The following OPRD1 variants were observed in gnomAD, a reference collection of about 807,000 sequenced individuals.
OPRD1 encodes the protein opioid receptor delta 1.
Under a neutral mutation model 17.5 loss-of-function variants are expected in OPRD1, and 19 were observed. The observed-to-expected ratio is 1.09, with a 90% CI of 0.76 to 1.60. OPRD1 has a LOEUF of 1.60. Among genes scored for constraint, OPRD1 ranks in the 40% most tolerant of loss-of-function variants. The pLI is 0.00. For missense variants in OPRD1, 483 were observed against 547.2 expected (o/e 0.88, Z 1.17); for synonymous variants, 256 against 240.9 (o/e 1.06, Z -0.58).
intron 1 of OPRD1, among the ~76,000 whole-genome samples, chr1:28,857,201 T>G (rs1459650695): frequency 1.3e-5 from 2 of 152,188 alleles, no homozygotes; most frequent in East Asian, 3.9e-4. Context: ...TCTCCATGCA[T>G]CAGGCTTGGA....
At position 28,863,076 on chromosome 1, in the gene OPRD1, C is replaced by T. The variant is rs267598540; in HGVS notation, c.912C>T (p.Ile304=). 6.2e-7 allele frequency: 1 copy of T among 1,606,824 alleles called. No individual in the cohort carries two copies. Among genetic ancestry groups the T allele is most frequent in the Non-Finnish European group, 8.5e-7 (1 of 1,176,696 alleles). ...TGGTGGCTGCGCTGCACCTGTGCAT[C>T]GCGCTGGGCTACGCCAATAGCAGCC... is the stretch of plus-strand genomic sequence containing the variant. The part of the protein sequence containing the change: ...PLVVAALHLC[I]ALGYANSSLN... The change falls in exon 3 of 3, where the codon ATC becomes ATT. Residue 304 remains isoleucine, a synonymous_variant. Coordinates refer to ENST00000234961, the MANE Select transcript of OPRD1 (RefSeq NM_000911.4).
At chr1:28,845,979 T>C (rs1053029310) in intron 1 of OPRD1, among the ~76,000 whole-genome samples, 7 of 152,200 alleles carry the variant, frequency 4.6e-5, no homozygotes, top group Non-Finnish European at 5.9e-5. Context: ...GTTTAAAGTC[T>C]TCAATGGCTT....
intron 1 of OPRD1, among the ~76,000 whole-genome samples, chr1:28,841,867 C>T (rs1041183917): frequency 2.7e-5 from 4 of 150,752 alleles, no homozygotes; most frequent in Non-Finnish European, 5.9e-5. Context: ...GCATGCACCA[C>T]CACACCTGGC....
intron 1 of OPRD1, among the ~76,000 whole-genome samples, chr1:28,827,392 C>T (rs147677022): frequency 2.0e-5 from 3 of 152,042 alleles, no homozygotes; most frequent in Admixed American, 6.5e-5. Context: ...CTCACAGGCA[C>T]GATCATAGCT....
chr1:28,834,394 T>C (rs2088832997), intron 1 of OPRD1, among the ~76,000 whole-genome samples: 1 of 150,480 alleles, frequency 6.6e-6, no homozygotes, highest in Non-Finnish European at 1.5e-5. Context: ...TTTTTTTTTT[T>C]TTTTGAGATA....
In OPRD1 at chr1:28,870,228, GCTT is replaced by G. The variant is rs1044443202; in HGVS notation, c.*6949_*6951del. 1 of 149,410 alleles carries G rather than the reference GCTT, an allele frequency of 6.7e-6. No homozygotes were observed. Among genetic ancestry groups the G allele is most frequent in the Non-Finnish European group, 1.5e-5 (1 of 67,240 alleles). The allele number at this position is 149,410 out of a possible 1,614,324, so 9.3% of individuals were successfully genotyped here. On this transcript the variant is annotated 3_prime_UTR_variant, in exon 3 of 3. Transcript: ENST00000234961. Reference sequence around the variant, plus strand: ...TTAGGCCATGCCTGCACCAACCCATGCTTCTTTTTTTTTTTCTTTCTTTCTTTC... The same window carrying G: ...TTAGGCCATGCCTGCACCAACCCATGCTTTTTTTTTTTCTTTCTTTCTTTC...
chr1:28,836,751 G>T (rs1020690565), intron 1 of OPRD1, among the ~76,000 whole-genome samples: 5 of 152,088 alleles, frequency 3.3e-5, no homozygotes, highest in African/African-American at 1.2e-4. Context: ...TCTCTCTGTT[G>T]TCCAGGCTGG....
At chr1:28,854,647 T>C (rs2147747924) in intron 1 of OPRD1, among the ~76,000 whole-genome samples, 1 of 151,542 alleles carries the variant, frequency 6.6e-6, no homozygotes, top group East Asian at 1.9e-4. Context: ...AGATGTCTCT[T>C]GTGAGCCTGC....
chr1:28,826,570 GT>G (rs2088770419), intron 1 of OPRD1, among the ~76,000 whole-genome samples: 1 of 152,160 alleles, frequency 6.6e-6, no homozygotes, highest in African/African-American at 2.4e-5. Context: ...GTGTGTCATA[GT>G]ATTATGTCTA....
At position 28,855,417 on chromosome 1, in the gene OPRD1, C is replaced by T. The variant is rs145217539; in HGVS notation, c.228-3537C>T. Among the ~76,000 whole-genome samples the T allele has an allele frequency of 3.3e-3, 497 of 152,092 alleles. 2 individuals are homozygous for T. Among genetic ancestry groups the T allele is most frequent in the African/African-American group, 0.011 (463 of 41,488 alleles). ...TGGGAACTGAGATCCCAAAGGTAGT[C>T]GGGGCAGCTTGCAGAACAGAGAGAA... On this transcript the variant is annotated intron_variant, in intron 1 of 2. Transcript: ENST00000234961.
chr1:28,862,380 A>G lies in OPRD1; in HGVS notation c.578-362A>G, dbSNP rs114999984. ...GTCTGTCTTAGCAGTCCTGTCCCCA[A>G]TGGAGCTAGTTTGGAAATGGGTCAA... On this transcript the variant is annotated intron_variant, in intron 2 of 2. Coordinates refer to ENST00000234961, the MANE Select transcript of OPRD1 (RefSeq NM_000911.4). Among the ~76,000 whole-genome samples, 1,084 of 152,194 alleles carry G rather than the reference A, an allele frequency of 7.1e-3. 9 individuals are homozygous for G. Among genetic ancestry groups the G allele is most frequent in the African/African-American group, 0.021 (870 of 41,512 alleles).
chr1:28,846,547 G>C (rs960793889), intron 1 of OPRD1, among the ~76,000 whole-genome samples: 5 of 152,096 alleles, frequency 3.3e-5, no homozygotes, highest in African/African-American at 4.8e-5. Context: ...GCTGGGCGTG[G>C]TGGTGGGCGC....
Position 28,862,841 on chromosome 1 carries a change from T to G in OPRD1, c.677T>G (p.Ile226Ser). ...CVFLFAFVVP[I>S]LIITVCYGLM... ...TTCCTCTTCGCCTTCGTGGTGCCCA[T>G]CCTCATCATCACCGTGTGCTATGGC... The change falls in exon 3 of 3, where the codon ATC becomes AGC. Residue 226 changes from isoleucine (I) to serine (S), a missense_variant. Coordinates refer to ENST00000234961, the MANE Select transcript of OPRD1 (RefSeq NM_000911.4). 6.2e-7 allele frequency: 1 copy of G among 1,613,098 alleles called. No homozygotes were observed. Among genetic ancestry groups the G allele is most frequent in the Non-Finnish European group, 8.5e-7 (1 of 1,180,020 alleles).
chr1:28,818,304 C>A (rs1393776473), intron 1 of OPRD1, among the ~76,000 whole-genome samples: 1 of 152,196 alleles, frequency 6.6e-6, no homozygotes. Flanking sequence ...GCTCTCACTG[C>A]CCAGACCCAC....
chr1:28,858,923 G>A, intron 1 of OPRD1, 31 bp from the exon 2 acceptor site: 1 of 1,562,246 alleles, frequency 6.4e-7, no homozygotes. Flanking sequence ...TCTGTGAAAT[G>A]GGATTAATTA....
Position 28,812,557 on chromosome 1 carries a change from C to T in OPRD1, c.174C>T (p.Ala58=), listed in dbSNP as rs752758332. ...TCGCCATCACCGCGCTCTACTCGGC[C>T]GTGTGCGCCGTGGGGCTGCTGGGCA... is the stretch of plus-strand genomic sequence containing the variant. ...LAIAITALYS[A]VCAVGLLGNV... The change falls in exon 1 of 3, where the codon GCC becomes GCT. Residue 58 remains alanine, a synonymous_variant. Coordinates refer to ENST00000234961, the MANE Select transcript of OPRD1 (RefSeq NM_000911.4). 6.3e-7 allele frequency: 1 copy of T among 1,580,194 alleles called. No homozygotes were observed. The highest frequency in any genetic ancestry group is 8.5e-7 in the Non-Finnish European group (1 of 1,169,984).
At position 28,815,930 on chromosome 1, in the gene OPRD1, CACTT is replaced by C. The variant is rs371978566; in HGVS notation, c.227+3325_227+3328del. Among the ~76,000 whole-genome samples, 1,343 of 152,188 alleles carry C rather than the reference CACTT, an allele frequency of 8.8e-3. 21 individuals are homozygous for C. The highest frequency in any genetic ancestry group is 0.037 in the Middle Eastern group (11 of 294). On this transcript the variant is annotated intron_variant, in intron 1 of 2. Coordinates refer to ENST00000234961, the MANE Select transcript of OPRD1 (RefSeq NM_000911.4). ...GACCAGACATATCTGAGTTCAAAGC[CACTT>C]ACTTGCTGTGTACTCGGGCTAGTGA...
At chr1:28,846,928 T>TCTTCCTTC (rs58708543) in intron 1 of OPRD1, among the ~76,000 whole-genome samples, 3 of 148,512 alleles carry the variant, frequency 2.0e-5, no homozygotes, top group African/African-American at 7.7e-5. Context: ...TCTTTCTTTT[T>TCTTCCTTC]CTTCCTTCCT....
intron 1 of OPRD1, among the ~76,000 whole-genome samples, chr1:28,857,886 G>A (rs901229496): frequency 6.6e-6 from 1 of 151,966 alleles, no homozygotes; most frequent in Non-Finnish European, 1.5e-5. Flanking sequence ...TCTGCCTCCC[G>A]GGTTCAAGCA....
Sources: gnomAD v4.1 joint callset for allele counts (sites outside exome capture counted in the v4.1 genomes callset) on GRCh38, gnomAD v4.1.1 for gene constraint, MANE v1.5 for transcripts, NCBI Gene and HGNC (gene_info 2026-07-23, HGNC 2026-07-21) for gene names.